The following KCNJ6 variants were observed in gnomAD, a reference collection of about 807,000 sequenced individuals.
KCNJ6 encodes the protein potassium inwardly rectifying channel subfamily J member 6, also known as G protein-activated inward rectifier potassium channel 2.
In KCNJ6, 9 loss-of-function variants were observed where a neutral mutation model predicts 34.2. The ratio of observed to expected loss-of-function variants is 0.26; its 90% CI spans 0.16 to 0.46. The LOEUF is 0.46. Among genes scored for constraint, KCNJ6 ranks in the 20% least tolerant of loss-of-function variants. The pLI, the probability that KCNJ6 is intolerant of heterozygous loss-of-function variation, is 1.00. For missense variants in KCNJ6, 236 were observed against 531.3 expected, an observed-to-expected ratio of 0.44 and a Z score of 5.46; for synonymous variants, 196 against 207.1, an observed-to-expected ratio of 0.95 and a Z score of 0.46.
chr21:37,674,938 A>G (rs140538485), intron 3 of KCNJ6, among the ~76,000 whole-genome samples: 1,608 of 152,256 alleles, frequency 0.011, 28 homozygotes, highest in African/African-American at 0.036. Flanking sequence ...AAATCTGGAC[A>G]ACTTACTCAC....
At chr21:37,677,395 T>C (rs1428297651) in intron 3 of KCNJ6, among the ~76,000 whole-genome samples, 1 of 152,174 alleles carries the variant, frequency 6.6e-6, no homozygotes, top group Non-Finnish European at 1.5e-5. Context: ...GGAAAACCAA[T>C]AAAAACACCT....
intron 3 of KCNJ6, among the ~76,000 whole-genome samples, chr21:37,679,996 T>G (rs1249221435): frequency 6.6e-6 from 1 of 152,222 alleles, no homozygotes; most frequent in Admixed American, 6.5e-5. Context: ...ACCATTTTAA[T>G]TAAAATTCTT....
At chr21:37,806,337 C>G (rs2055293368) in intron 2 of KCNJ6, among the ~76,000 whole-genome samples, 1 of 152,182 alleles carries the variant, frequency 6.6e-6, no homozygotes, top group Non-Finnish European at 1.5e-5. Flanking sequence ...ATGAGTCAGG[C>G]ACTGTGTATG....
At position 37,760,753 on chromosome 21, in the gene KCNJ6, G is replaced by A. The variant is rs530517735; in HGVS notation, c.26-45622C>T. The stretch of plus-strand genomic sequence containing the variant: ...CTCTCAGATGTGGTGTGGTCTCCTG[G>A]CACCTCACCTAGGATGGGAGGCCTG... On this transcript the variant is annotated intron_variant, in intron 2 of 3. Transcript: ENST00000609713. Among the ~76,000 whole-genome samples, 7 of 152,300 alleles carry A rather than the reference G, an allele frequency of 4.6e-5. No individual in the cohort carries two copies. In the South Asian group the frequency reaches 1.4e-3, roughly 32 times the overall value.
At chr21:37,769,323 C>T (rs2055106551) in intron 2 of KCNJ6, among the ~76,000 whole-genome samples, 1 of 151,494 alleles carries the variant, frequency 6.6e-6, no homozygotes. Flanking sequence ...GTTCAGATAC[C>T]CCCCACCCCT....
intron 2 of KCNJ6, among the ~76,000 whole-genome samples, chr21:37,755,593 G>C (rs1414234009): frequency 6.6e-6 from 1 of 152,238 alleles, no homozygotes; most frequent in Non-Finnish European, 1.5e-5. Flanking sequence ...TGAAGGAAGA[G>C]AGGAGCCTGG....
intron 1 of KCNJ6, among the ~76,000 whole-genome samples, chr21:37,880,565 C>T (rs989028155): frequency 2.0e-5 from 3 of 152,034 alleles, no homozygotes; most frequent in African/African-American, 7.2e-5. Context: ...ATGGGATTCC[C>T]AAGAGTGAGG....
intron 2 of KCNJ6, among the ~76,000 whole-genome samples, chr21:37,716,512 C>CT (rs557413762): frequency 1.3e-3 from 197 of 151,838 alleles, no homozygotes; most frequent in African/African-American, 4.6e-3. Flanking sequence ...CCTGAGTAGG[C>CT]ACAGGAGGCT....
intron 1 of KCNJ6, among the ~76,000 whole-genome samples, chr21:37,869,603 G>A (rs2055640074): frequency 6.6e-6 from 1 of 152,198 alleles, no homozygotes; most frequent in African/African-American, 2.4e-5. Flanking sequence ...TGCGATGTAG[G>A]TGGCTGATGA....
intron 1 of KCNJ6, among the ~76,000 whole-genome samples, chr21:37,902,287 C>T (rs184128399): frequency 3.5e-4 from 54 of 152,316 alleles, no homozygotes; most frequent in African/African-American, 1.2e-3. Context: ...TCTCCTCCAT[C>T]GTTTAAATAT....
In KCNJ6 at chr21:37,712,559, CCCCT is replaced by C. The variant is rs1451895977; in HGVS notation, c.946+1648_946+1651del. 1.6e-4 allele frequency among the ~76,000 whole-genome samples: 15 copies of C among 91,038 alleles called. 1 individual carries two copies. The highest frequency in any genetic ancestry group is 1.0e-4 in the African/African-American group (2 of 19,174). The allele number at this position is 91,038 out of a possible 152,430, so 59.7% of individuals were successfully genotyped here. A position where few individuals can be genotyped will look rare whatever the true frequency, so the allele number is the denominator to read the frequency against. ...CCCTCCCTCCTCCTCCCTCCCTCCT[CCCCT>C]TCTCCTCCTCTTCTTCCTCCCTTTC... On this transcript the variant is annotated intron_variant, in intron 3 of 3. Coordinates refer to ENST00000609713, the MANE Select transcript of KCNJ6 (RefSeq NM_002240.5).
At chr21:37,779,740 G>T (rs1003495389) in intron 2 of KCNJ6, among the ~76,000 whole-genome samples, 1 of 152,222 alleles carries the variant, frequency 6.6e-6, no homozygotes, top group African/African-American at 2.4e-5. Flanking sequence ...ATTCTGAGAT[G>T]ACTGTAACCT....
At chr21:37,799,369 G>C (rs181210400) in intron 2 of KCNJ6, among the ~76,000 whole-genome samples, 1 of 152,226 alleles carries the variant, frequency 6.6e-6, no homozygotes, top group African/African-American at 2.4e-5. Context: ...GGGGCAGAAA[G>C]GGAGGATGAA....
chr21:37,739,635 T>C (rs1434107193), intron 2 of KCNJ6, among the ~76,000 whole-genome samples: 1 of 152,204 alleles, frequency 6.6e-6, no homozygotes, highest in Non-Finnish European at 1.5e-5. Context: ...CAATTGTTTT[T>C]CATTTTTTTG....
chr21:37,908,821 C>T (rs1180406429), intron 1 of KCNJ6, among the ~76,000 whole-genome samples: 3 of 152,228 alleles, frequency 2.0e-5, no homozygotes, highest in Non-Finnish European at 4.4e-5. Flanking sequence ...ATCATTTCCT[C>T]TGCCTTACTC....
chr21:37,808,340 G>C (rs1435064240), intron 2 of KCNJ6, among the ~76,000 whole-genome samples: 1 of 152,174 alleles, frequency 6.6e-6, no homozygotes, highest in Non-Finnish European at 1.5e-5. Flanking sequence ...GAGAAATGGA[G>C]CTAAAGAATC....
At chr21:37,869,984 G>C (rs1216688192) in intron 1 of KCNJ6, among the ~76,000 whole-genome samples, 1 of 152,198 alleles carries the variant, frequency 6.6e-6, no homozygotes, top group South Asian at 2.1e-4. Context: ...CTCAGGCAGA[G>C]GGTAGGCCAA....
At chr21:37,664,828 G>A (rs113845375) in intron 3 of KCNJ6, among the ~76,000 whole-genome samples, 2 of 116,762 alleles carry the variant, frequency 1.7e-5, no homozygotes, top group African/African-American at 6.8e-5. Flanking sequence ...ATGGAGTCTC[G>A]CTTTGTTGCC....
At chr21:37,838,472 T>C (rs1248716010) in intron 2 of KCNJ6, among the ~76,000 whole-genome samples, 1 of 152,228 alleles carries the variant, frequency 6.6e-6, no homozygotes, top group Admixed American at 6.5e-5. Flanking sequence ...CCATCTGATG[T>C]AATTCACCCA....
Sources: gnomAD v4.1 joint callset for allele counts (sites outside exome capture counted in the v4.1 genomes callset) on GRCh38, gnomAD v4.1.1 for gene constraint, MANE v1.5 for transcripts, NCBI Gene and HGNC (gene_info 2026-07-23, HGNC 2026-07-21) for gene names.